ATF6: variants seen among roughly 807,000 people sequenced by gnomAD.
The protein encoded by ATF6 is cyclic AMP-dependent transcription factor ATF-6 alpha.
ATF6 carries 53 observed loss-of-function variants against 83.6 expected under a neutral mutation model. The ratio of observed to expected loss-of-function variants is 0.63; its 90% confidence interval spans 0.51 to 0.80. ATF6 has a LOEUF of 0.80. ATF6 is among the 30% of genes least tolerant of loss of function. The pLI is 0.00. For synonymous variants in ATF6, 288 were observed against 285.8 expected, an observed-to-expected ratio of 1.01 and a Z score of -0.08; for missense variants, 744 against 797.9, an observed-to-expected ratio of 0.93 and a Z score of 0.81.
At chr1:161,947,522 G>T (rs1383978425) in intron 15 of ATF6, among the ~76,000 whole-genome samples, 1 of 152,138 alleles carries the variant, frequency 6.6e-6, no homozygotes, top group Non-Finnish European at 1.5e-5. Context: ...TTTAATGAGA[G>T]TCTTTGTCAC....
rs549968374 is a variant in ATF6, at chr1:161,866,374, A to C, written c.1719+3062A>C. ...ATCTCTTTACAGTTGAGCGGTTGAAATTATTTTCTCTAAAGCAGACACACT... is the reference window on the plus strand; with the variant it reads ...ATCTCTTTACAGTTGAGCGGTTGAACTTATTTTCTCTAAAGCAGACACACT... On this transcript the variant is annotated intron_variant, in intron 14 of 15. Transcript: ENST00000367942. Among the ~76,000 whole-genome samples the C allele has an allele frequency of 5.3e-5, 8 of 152,246 alleles. No homozygotes were observed. In the South Asian group the frequency reaches 1.7e-3, roughly 32 times the overall value.
At chr1:161,828,112 G>GT (rs887971021) in intron 9 of ATF6, among the ~76,000 whole-genome samples, 4 of 151,504 alleles carry the variant, frequency 2.6e-5, no homozygotes, top group East Asian at 3.9e-4. Flanking sequence ...TTTAACCCAG[G>GT]TTTTTTTTCT....
intron 1 of ATF6, among the ~76,000 whole-genome samples, chr1:161,774,897 T>C (rs1193188357): frequency 6.6e-6 from 1 of 152,230 alleles, no homozygotes; most frequent in Non-Finnish European, 1.5e-5. Flanking sequence ...TTTTCCTGTC[T>C]CTAATGTCCT....
intron 14 of ATF6, among the ~76,000 whole-genome samples, chr1:161,885,031 C>G (rs1264860212): frequency 6.6e-6 from 1 of 152,130 alleles, no homozygotes; most frequent in Non-Finnish European, 1.5e-5. Context: ...TTAACCACTA[C>G]TTTACTTTTA....
intron 15 of ATF6, among the ~76,000 whole-genome samples, chr1:161,958,158 G>A (rs143248928): frequency 1.4e-3 from 219 of 152,196 alleles, no homozygotes; most frequent in African/African-American, 4.9e-3. Context: ...CAAGATATAC[G>A]ATGTCTGTGG....
intron 4 of ATF6, among the ~76,000 whole-genome samples, chr1:161,785,380 A>G (rs1352964987): frequency 6.6e-6 from 1 of 152,178 alleles, no homozygotes; most frequent in Non-Finnish European, 1.5e-5. Flanking sequence ...CAATTTCTCC[A>G]AATGATTTAA....
chr1:161,936,903 C>T (rs941860993), intron 15 of ATF6, among the ~76,000 whole-genome samples: 4 of 152,104 alleles, frequency 2.6e-5, no homozygotes, highest in Non-Finnish European at 5.9e-5. Flanking sequence ...CATATCCGTC[C>T]TTCACATTGC....
chr1:161,852,904 C>T (rs1686666003), intron 11 of ATF6, among the ~76,000 whole-genome samples: 3 of 152,210 alleles, frequency 2.0e-5, no homozygotes, highest in South Asian at 2.1e-4. Context: ...AGGTGTAAGC[C>T]ACTGTGCCTG....
intron 14 of ATF6, among the ~76,000 whole-genome samples, chr1:161,873,601 A>T (rs1200651629): frequency 6.6e-6 from 1 of 151,644 alleles, no homozygotes; most frequent in African/African-American, 2.4e-5. Context: ...TGTTAAGGCT[A>T]ATAATTGTGT....
chr1:161,801,995 C>T, intron 6 of ATF6, 57 bp from the exon 7 acceptor site: 1 of 1,555,882 alleles, frequency 6.4e-7, no homozygotes, highest in Non-Finnish European at 8.8e-7. Context: ...TTATAAGCTG[C>T]TTCCCCTGCC....
chr1:161,865,524 G>A (rs749277696), intron 14 of ATF6, among the ~76,000 whole-genome samples: 11 of 152,138 alleles, frequency 7.2e-5, no homozygotes, highest in Non-Finnish European at 1.3e-4. Context: ...AAATATATAT[G>A]CATTGCATTT....
chr1:161,812,614 G>A (rs1057226182), intron 7 of ATF6, among the ~76,000 whole-genome samples: 2 of 151,750 alleles, frequency 1.3e-5, no homozygotes, highest in African/African-American at 2.4e-5. Flanking sequence ...GGATGGTCTC[G>A]ATCTCCTGAC....
chr1:161,830,613 G>A (rs1035499800), intron 9 of ATF6, among the ~76,000 whole-genome samples: 2 of 152,152 alleles, frequency 1.3e-5, no homozygotes, highest in South Asian at 4.1e-4. Context: ...TAGACCAATG[G>A]AACAGAACAG....
intron 3 of ATF6, among the ~76,000 whole-genome samples, chr1:161,783,636 C>T (rs959099476): frequency 6.6e-6 from 1 of 151,438 alleles, no homozygotes; most frequent in Non-Finnish European, 1.5e-5. Context: ...AAAATGTCTC[C>T]TGCTTTTATT....
intron 15 of ATF6, among the ~76,000 whole-genome samples, chr1:161,914,500 T>C (rs1688051189): frequency 6.6e-6 from 1 of 152,200 alleles, no homozygotes; most frequent in South Asian, 2.1e-4. Flanking sequence ...ATTAGTACTC[T>C]AGCCTTTTTT....
intron 1 of ATF6, among the ~76,000 whole-genome samples, chr1:161,772,655 C>T (rs1285590654): frequency 6.6e-6 from 1 of 151,932 alleles, no homozygotes; most frequent in African/African-American, 2.4e-5. Context: ...CTGTTTCCTG[C>T]ATCAGCATTT....
Position 161,802,270 on chromosome 1 carries a change from G to C in ATF6, c.907G>C (p.Asp303His). ...AAGTACCATGAGAAATGTCGGTTCA[G>C]ATGTAAGTTTTGAAACTTAGTGCTT... ...LQSTMRNVGSDIAVLRRQQRM... is the reference protein window; with the variant it reads ...LQSTMRNVGSHIAVLRRQQRM... Residue 303 changes from aspartate (D) to histidine (H), a missense_variant and splice_region_variant, in exon 7 of 16, where the codon GAT becomes CAT. Coordinates refer to ENST00000367942, the MANE Select transcript of ATF6 (RefSeq NM_007348.4). 1 of 1,613,492 alleles carries C rather than the reference G, an allele frequency of 6.2e-7. No homozygotes were observed. The highest frequency in any genetic ancestry group is 8.5e-7 in the Non-Finnish European group (1 of 1,179,596).
chr1:161,792,574 T>TA (rs1684908646), intron 6 of ATF6, among the ~76,000 whole-genome samples: 1 of 152,208 alleles, frequency 6.6e-6, no homozygotes, highest in Non-Finnish European at 1.5e-5. Flanking sequence ...GGTGCCATTT[T>TA]ATTCTGGTGG....
At position 161,781,945 on chromosome 1, in the gene ATF6, G is replaced by A. The variant is rs748580731; in HGVS notation, c.193G>A (p.Asp65Asn). 6.2e-7 allele frequency: 1 copy of A among 1,611,038 alleles called. No individual in the cohort carries two copies. Among genetic ancestry groups the A allele is most frequent in the Non-Finnish European group, 8.5e-7 (1 of 1,178,762 alleles). The change falls in exon 3 of 16, where the codon GAT (aspartate) becomes AAT (asparagine). Residue 65 changes from aspartate (D) to asparagine (N), a missense_variant. By Grantham distance (23) the Asp-to-Asn change is conservative. Coordinates refer to ENST00000367942, the MANE Select transcript of ATF6 (RefSeq NM_007348.4). Reference protein sequence around the residue: ...NNFDNLDFDLDLMPWESDIWD... With the variant: ...NNFDNLDFDLNLMPWESDIWD... ...TTTTGATAATCTTGATTTTGATTTG[G>A]ATTTGATGCCTTGGGAGTCAGACAT...
Sources: gnomAD v4.1 joint callset for allele counts (sites outside exome capture counted in the v4.1 genomes callset) on GRCh38, gnomAD v4.1.1 for gene constraint, MANE v1.5 for transcripts, NCBI Gene and HGNC (gene_info 2026-07-23, HGNC 2026-07-21) for gene names.